Variants in TET3 observed in about 807,000 individuals in gnomAD.
The protein encoded by TET3 is tet methylcytosine dioxygenase 3.
In TET3, 19 loss-of-function variants were observed where a neutral mutation model predicts 141.4. The ratio of observed to expected loss-of-function variants is 0.13; its 90% CI spans 0.09 to 0.20. The LOEUF is 0.20. Among genes scored for constraint, TET3 ranks in the 10% least tolerant of loss-of-function variants. The probability of loss-of-function intolerance (pLI) is 1.00; values close to 1 mark genes in which losing one functional copy is unlikely to be tolerated. For missense variants in TET3, 1,874 were observed against 2,356.9 expected (o/e 0.80, Z 4.24); for synonymous variants, 1,043 against 980.9 (o/e 1.06, Z -1.18).
At chr2:74,114,687 T>C in the TET3 span, among the ~76,000 whole-genome samples, 1 of 151,228 alleles carries the variant, frequency 6.6e-6, no homozygotes, top group East Asian at 1.9e-4. Flanking sequence ...CCCCCGTCTC[T>C]ACTGAAAATA....
At chr2:74,022,084 T>G (rs1686074224) in intron 3 of TET3, among the ~76,000 whole-genome samples, 1 of 144,426 alleles carries the variant, frequency 6.9e-6, no homozygotes, top group Non-Finnish European at 1.5e-5. Context: ...ATTTCAGTCT[T>G]TCTAGGACAC....
chr2:74,102,413 T>A lies in TET3; in HGVS notation c.*237T>A. 1 of 442,688 alleles carries A rather than the reference T, an allele frequency of 2.3e-6. No homozygotes were observed. 27.4% of individuals were successfully genotyped at this position (442,688 alleles called of 1,614,324 possible). A position where few individuals can be genotyped will look rare whatever the true frequency, so the allele number is the denominator to read the frequency against. ...GAAGAAACTACGGCTGTCGGGTGAT[T>A]TTTCCGTGATCTTAATATTTATATC... is the stretch of plus-strand genomic sequence containing the variant. On this transcript the variant is annotated 3_prime_UTR_variant, in exon 12 of 12. Coordinates refer to ENST00000409262, the MANE Select transcript of TET3 (RefSeq NM_001287491.2).
intron 2 of TET3, among the ~76,000 whole-genome samples, chr2:73,992,815 A>T (rs896628151): frequency 6.6e-6 from 1 of 152,238 alleles, no homozygotes; most frequent in Non-Finnish European, 1.5e-5. Flanking sequence ...GTTCTAGAAC[A>T]GATTGTTTAA....
chr2:74,008,446 G>C (rs1371314866), intron 3 of TET3, among the ~76,000 whole-genome samples: 2 of 152,224 alleles, frequency 1.3e-5, no homozygotes, highest in African/African-American at 4.8e-5. Flanking sequence ...TGCTGGTGTG[G>C]ACTTGGACCC....
intron 4 of TET3, 98 bp from the exon 5 acceptor site, chr2:74,073,451 C>T: frequency 1.2e-6 from 1 of 819,134 alleles, no homozygotes; most frequent in Non-Finnish European, 1.9e-6. Flanking sequence ...TTCCTGTTTT[C>T]TAGCATGCCT....
chr2:74,111,631 C>T (rs1691708610), downstream of TET3, among the ~76,000 whole-genome samples: 1 of 152,214 alleles, frequency 6.6e-6, no homozygotes, highest in South Asian at 2.1e-4. Context: ...GCATGTTGGA[C>T]AAGGACCACA....
intron 4 of TET3, among the ~76,000 whole-genome samples, chr2:74,056,109 C>T (rs1688201416): frequency 6.6e-6 from 1 of 152,188 alleles, no homozygotes; most frequent in African/African-American, 2.4e-5. Flanking sequence ...ATCTTGACAT[C>T]TGTACATTAA....
chr2:74,122,507 ATATATTTT>A, the TET3 span: 1 of 65,152 alleles, frequency 1.5e-5, no homozygotes, highest in African/African-American at 6.3e-5. Context: ...ATATATATAT[ATATATTTT>A]TTTTTTTTTT....
rs1283854856 is a variant in TET3 at position 74,105,049 on chromosome 2, C to G, written c.*2873C>G. Reference sequence around the variant, plus strand: ...ACTATGCACAGCTCTTTATCCCCCCCTTGCTGCTGAAGCTTTCTTAAAGAG... The same window carrying G: ...ACTATGCACAGCTCTTTATCCCCCCGTTGCTGCTGAAGCTTTCTTAAAGAG... On this transcript the variant is annotated 3_prime_UTR_variant, in exon 12 of 12. Coordinates refer to ENST00000409262, the MANE Select transcript of TET3 (RefSeq NM_001287491.2). The G allele has an allele frequency of 2.5e-6, 1 of 397,796 alleles. No homozygotes were observed. The highest frequency in any genetic ancestry group is 4.4e-6 in the Non-Finnish European group (1 of 226,046). The allele number at this position is 397,796 out of a possible 1,614,324, so 24.6% of individuals were successfully genotyped here. A position where few individuals can be genotyped will look rare whatever the true frequency, so the allele number is the denominator to read the frequency against.
the TET3 span, among the ~76,000 whole-genome samples, chr2:74,115,819 G>C: frequency 2.0e-5 from 3 of 152,064 alleles, no homozygotes; most frequent in Non-Finnish European, 4.4e-5. Flanking sequence ...TTCAAGACCA[G>C]CCTGGGCAAC....
At position 74,047,812 on chromosome 2, in the gene TET3, T is replaced by G; in HGVS notation, c.1895T>G (p.Leu632Arg). Residue 632 changes from leucine to arginine, a missense_variant, in exon 4 of 12, where the codon CTT (leucine) becomes CGT (arginine). Transcript: ENST00000409262. ...PPVRQIVLEG[L>R]RSPASQEVQA... ...GTCCGACAGATTGTCCTGGAAGGGC[T>G]TAGGTCCCCAGCCTCCCAGGAAGTG... 1 of 1,613,434 alleles carries G rather than the reference T, an allele frequency of 6.2e-7. No individual in the cohort carries two copies. The highest frequency in any genetic ancestry group is 8.5e-7 in the Non-Finnish European group (1 of 1,179,660).
intron 3 of TET3, among the ~76,000 whole-genome samples, chr2:74,017,112 C>T (rs944344437): frequency 2.6e-5 from 4 of 151,948 alleles, no homozygotes; most frequent in Non-Finnish European, 4.4e-5. Context: ...AAAGTGAGAC[C>T]CCTCTCTGTA....
At chr2:74,084,447 GTC>G (rs1358225529) in intron 6 of TET3, among the ~76,000 whole-genome samples, 3 of 151,426 alleles carry the variant, frequency 2.0e-5, no homozygotes, top group African/African-American at 7.3e-5. Context: ...GTAAGACCAT[GTC>G]TCTCTCTTTT....
At chr2:74,129,905 C>T in the TET3 span, among the ~76,000 whole-genome samples, 11 of 151,854 alleles carry the variant, frequency 7.2e-5, no homozygotes, top group African/African-American at 2.7e-4. Flanking sequence ...ACCAGCCTGG[C>T]CAACATGGTG....
In TET3 at chr2:73,986,157, T is replaced by C. The variant is rs961018275; in HGVS notation, c.-247T>C. ...CCTTTTCTGAGGGCTGCTGCTGGTG[T>C]CCTCCCCCAGATCCTGGGCCCCAGC... On this transcript the variant is annotated 5_prime_UTR_variant, in exon 2 of 12. Coordinates refer to ENST00000409262, the MANE Select transcript of TET3 (RefSeq NM_001287491.2). 2.8e-6 allele frequency: 1 copy of C among 357,416 alleles called. No homozygotes were observed. The highest frequency in any genetic ancestry group is 5.0e-6 in the Non-Finnish European group (1 of 200,520). The allele number at this position is 357,416 out of a possible 1,614,324, so 22.1% of individuals were successfully genotyped here. A position where few individuals can be genotyped will look rare whatever the true frequency, so the allele number is the denominator to read the frequency against.
intron 3 of TET3, among the ~76,000 whole-genome samples, chr2:74,041,059 G>A (rs181262098): frequency 3.0e-3 from 452 of 152,270 alleles, no homozygotes; most frequent in African/African-American, 0.01. Flanking sequence ...CCTCCCTGCC[G>A]ATAATTGCCA....
chr2:74,125,283 C>T, the TET3 span, among the ~76,000 whole-genome samples: 1 of 150,634 alleles, frequency 6.6e-6, no homozygotes, highest in African/African-American at 2.5e-5. Context: ...CACCTGGCCT[C>T]ACTTGGATTA....
At chr2:74,123,820 C>G in the TET3 span, among the ~76,000 whole-genome samples, 1 of 151,854 alleles carries the variant, frequency 6.6e-6, no homozygotes, top group Non-Finnish European at 1.5e-5. Context: ...TGAGGAGTGT[C>G]TCTGCCCGGC....
At chr2:74,077,015 A>G (rs74909610) in intron 5 of TET3, among the ~76,000 whole-genome samples, 86 of 152,342 alleles carry the variant, frequency 5.6e-4, no homozygotes, top group African/African-American at 1.9e-3. Flanking sequence ...TCAGTTGTCA[A>G]ACTCGTATCT....
Sources: gnomAD v4.1 joint callset for allele counts (sites outside exome capture counted in the v4.1 genomes callset) on GRCh38, gnomAD v4.1.1 for gene constraint, MANE v1.5 for transcripts, NCBI Gene and HGNC (gene_info 2026-07-23, HGNC 2026-07-21) for gene names.